Variants in FOXP1 observed in about 807,000 individuals in gnomAD.
FOXP1 encodes the protein forkhead box protein P1.
Under a neutral mutation model 98.2 loss-of-function variants are expected in FOXP1, and 15 were observed. The observed-to-expected ratio is 0.15, with a 90% CI of 0.10 to 0.24. FOXP1 has a LOEUF of 0.24. FOXP1 is among the 10% of genes least tolerant of loss of function. The probability of loss-of-function intolerance (pLI) is 1.00; values close to 1 mark genes in which losing one functional copy is unlikely to be tolerated. For synonymous variants in FOXP1, 371 were observed against 314.5 expected, an observed-to-expected ratio of 1.18 and a Z score of -1.90; for missense variants, 633 against 848.5, an observed-to-expected ratio of 0.75 and a Z score of 3.15.
intron 3 of FOXP1, among the ~76,000 whole-genome samples, chr3:71,390,400 A>ACC (rs1240699121): frequency 3.9e-5 from 6 of 152,124 alleles, no homozygotes; most frequent in African/African-American, 1.4e-4. Flanking sequence ...GCGACATGCA[A>ACC]CCCACCTTCT....
At chr3:70,999,776 G>A (rs996916126) in intron 13 of FOXP1, among the ~76,000 whole-genome samples, 1 of 152,208 alleles carries the variant, frequency 6.6e-6, no homozygotes, top group Non-Finnish European at 1.5e-5. Flanking sequence ...AGCTGTAAAT[G>A]ACTTAACTCA....
At chr3:71,344,571 T>C (rs1251646377) in intron 4 of FOXP1, among the ~76,000 whole-genome samples, 1 of 152,240 alleles carries the variant, frequency 6.6e-6, no homozygotes, top group Non-Finnish European at 1.5e-5. Context: ...GTACTGTGGC[T>C]CACGCCTGTA....
chr3:70,994,111 A>G (rs1175747298), intron 13 of FOXP1, among the ~76,000 whole-genome samples: 2 of 151,960 alleles, frequency 1.3e-5, no homozygotes, highest in Non-Finnish European at 2.9e-5. Context: ...GGATTCCAAG[A>G]AATTCGGGAC....
At chr3:71,144,683 T>C (rs1012282857) in intron 6 of FOXP1, among the ~76,000 whole-genome samples, 1 of 151,970 alleles carries the variant, frequency 6.6e-6, no homozygotes, top group Non-Finnish European at 1.5e-5. Context: ...GTAGAGCATG[T>C]GCAGCAGTTT....
At chr3:71,162,582 A>G (rs546116125) in intron 6 of FOXP1, among the ~76,000 whole-genome samples, 1 of 152,338 alleles carries the variant, frequency 6.6e-6, no homozygotes, top group Non-Finnish European at 1.5e-5. Context: ...AACGTCATAA[A>G]CAAGGTCCCC....
At position 70,956,748 on chromosome 3, in the gene FOXP1, T is replaced by G. The variant is rs1454430701; in HGVS notation, c.*2499A>C. 4.5e-5 allele frequency: 8 copies of G among 178,252 alleles called. No homozygotes were observed. Among genetic ancestry groups the G allele is most frequent in the African/African-American group, 2.1e-4 (7 of 33,508 alleles). The allele number at this position is 178,252 out of a possible 1,614,324, so 11.0% of individuals were successfully genotyped here. A position where few individuals can be genotyped will look rare whatever the true frequency, so the allele number is the denominator to read the frequency against. On this transcript the variant is annotated 3_prime_UTR_variant, in exon 21 of 21. Coordinates refer to ENST00000649528, the MANE Select transcript of FOXP1 (RefSeq NM_001349338.3). ...CCTGGAAAAGTTTTTTTTTTTTTTT[T>G]TTTTTTTTTTTTTTTTTTTTTTTTT... is the stretch of plus-strand genomic sequence containing the variant.
At position 71,549,860 on chromosome 3, in the gene FOXP1, TAAAAAAAAAAAAA is replaced by T. The variant is rs55826932; in HGVS notation, c.-298+31676_-298+31688del. ...TTACAGAATACTCTAATGCTGGGAGTAAAAAAAAAAAAAAAAAAAAAAAAAACGCTCTCTGGTA... is the reference window on the plus strand; with the variant it reads ...TTACAGAATACTCTAATGCTGGGAGTAAAAAAAAAAAAACGCTCTCTGGTA... On this transcript the variant is annotated intron_variant, in intron 2 of 20. Transcript: ENST00000649528. Among the ~76,000 whole-genome samples, 30 of 59,944 alleles carry T rather than the reference TAAAAAAAAAAAAA, an allele frequency of 5.0e-4. No homozygotes were observed. The South Asian group carries it at 6.1e-3, about 12-fold the overall frequency. The allele number at this position is 59,944 out of a possible 152,430, so 39.3% of individuals were successfully genotyped here.
intron 6 of FOXP1, among the ~76,000 whole-genome samples, chr3:71,169,000 C>T (rs1441302643): frequency 1.3e-5 from 2 of 152,154 alleles, no homozygotes; most frequent in Admixed American, 6.6e-5. Context: ...GAGCGTAAAA[C>T]TCACTTGAAA....
intron 6 of FOXP1, among the ~76,000 whole-genome samples, chr3:71,196,406 G>GT (rs1254696837): frequency 6.6e-6 from 1 of 152,104 alleles, no homozygotes; most frequent in Non-Finnish European, 1.5e-5. Flanking sequence ...TGTTTTGATG[G>GT]TTTATATGTA....
At chr3:70,999,038 T>A (rs1269397115) in intron 13 of FOXP1, among the ~76,000 whole-genome samples, 1 of 152,218 alleles carries the variant, frequency 6.6e-6, no homozygotes, top group East Asian at 1.9e-4. Flanking sequence ...GGAGCTCCTA[T>A]CACTTTATAA....
At chr3:71,280,669 C>T (rs886951551) in intron 5 of FOXP1, among the ~76,000 whole-genome samples, 2 of 151,880 alleles carry the variant, frequency 1.3e-5, no homozygotes, top group Admixed American at 6.6e-5. Flanking sequence ...AGGTTACCCA[C>T]ATTTCATCTT....
At chr3:71,267,340 G>T (rs1304321606) in intron 5 of FOXP1, among the ~76,000 whole-genome samples, 2 of 152,054 alleles carry the variant, frequency 1.3e-5, no homozygotes, top group Non-Finnish European at 2.9e-5. Context: ...ATTTAAATAA[G>T]TATACAGTAG....
intron 1 of FOXP1, chr3:71,582,089 A>C (rs1392632241): frequency 2.0e-6 from 2 of 975,806 alleles, no homozygotes; most frequent in African/African-American, 3.6e-5. Context: ...GGGGGGCTGC[A>C]GGCAGCGATT....
chr3:71,038,997 C>G (rs763198560), intron 11 of FOXP1, among the ~76,000 whole-genome samples: 1 of 152,076 alleles, frequency 6.6e-6, no homozygotes, highest in Non-Finnish European at 1.5e-5. Flanking sequence ...ATTCCACAAG[C>G]TTAAACTGAA....
chr3:71,306,218 C>A (rs1420586731), intron 4 of FOXP1, among the ~76,000 whole-genome samples: 1 of 152,052 alleles, frequency 6.6e-6, no homozygotes, highest in Non-Finnish European at 1.5e-5. Flanking sequence ...CACCACTAAA[C>A]AGGAGTCAGT....
intron 7 of FOXP1, among the ~76,000 whole-genome samples, chr3:71,089,012 A>G (rs2055483570): frequency 6.6e-6 from 1 of 152,214 alleles, no homozygotes. Flanking sequence ...GCTGAAGGAT[A>G]TGACACTTTA....
chr3:70,984,720 T>C (rs896408141), intron 14 of FOXP1, among the ~76,000 whole-genome samples: 18 of 152,240 alleles, frequency 1.2e-4, no homozygotes, highest in African/African-American at 4.3e-4. Context: ...AGAGATGTGA[T>C]AGCAAGCAGG....
At chr3:71,405,328 G>A (rs2082242011) in intron 3 of FOXP1, among the ~76,000 whole-genome samples, 2 of 152,218 alleles carry the variant, frequency 1.3e-5, no homozygotes, top group African/African-American at 4.8e-5. Context: ...CCAGACATCA[G>A]GGGAATCTAT....
chr3:71,490,631 C>A (rs1025311280), intron 3 of FOXP1, among the ~76,000 whole-genome samples: 1 of 152,056 alleles, frequency 6.6e-6, no homozygotes, highest in African/African-American at 2.4e-5. Flanking sequence ...CTAAGAACTG[C>A]CTTATTTACA....
Sources: gnomAD v4.1 joint callset for allele counts (sites outside exome capture counted in the v4.1 genomes callset) on GRCh38, gnomAD v4.1.1 for gene constraint, MANE v1.5 for transcripts, NCBI Gene and HGNC (gene_info 2026-07-23, HGNC 2026-07-21) for gene names.